Variants in PRDM16 observed in about 807,000 individuals in gnomAD.
PRDM16 encodes PR/SET domain 16, also known as histone-lysine N-methyltransferase PRDM16.
PRDM16 carries 23 observed loss-of-function variants against 110.6 expected under a neutral mutation model. The ratio of observed to expected loss-of-function variants is 0.21; its 90% CI spans 0.15 to 0.29. The LOEUF (loss-of-function observed/expected upper bound fraction) is 0.29, where lower values mean the gene tolerates loss of function less well. PRDM16 is among the 10% of genes least tolerant of loss of function. PRDM16 has a pLI of 1.00. For synonymous variants in PRDM16, 799 were observed against 781.8 expected, an observed-to-expected ratio of 1.02 and a Z score of -0.37; for missense variants, 1,615 against 1,794.3, an observed-to-expected ratio of 0.90 and a Z score of 1.81.
chr1:3,205,266 C>T (rs1638729072), intron 2 of PRDM16, among the ~76,000 whole-genome samples: 1 of 152,208 alleles, frequency 6.6e-6, no homozygotes. Flanking sequence ...CCCAAGGCGC[C>T]TTCTGAGCTC....
At chr1:3,381,718 G>T (rs1186650652) in intron 3 of PRDM16, among the ~76,000 whole-genome samples, 1 of 152,146 alleles carries the variant, frequency 6.6e-6, no homozygotes, top group African/African-American at 2.4e-5. Flanking sequence ...CAACAACCAG[G>T]CCCCAGGAGA....
chr1:3,085,268 A>G (rs1226267461), intron 1 of PRDM16, among the ~76,000 whole-genome samples: 1 of 152,208 alleles, frequency 6.6e-6, no homozygotes, highest in Non-Finnish European at 1.5e-5. Flanking sequence ...AGAGTTTCCT[A>G]GAGCCACGGC....
intron 3 of PRDM16, among the ~76,000 whole-genome samples, chr1:3,280,012 A>T (rs1640678677): frequency 6.6e-6 from 1 of 152,104 alleles, no homozygotes; most frequent in African/African-American, 2.4e-5. Context: ...TTTTCCAATC[A>T]CGATAATGCC....
At chr1:3,416,323 T>C (rs1010923693) in intron 10 of PRDM16, among the ~76,000 whole-genome samples, 25 of 152,144 alleles carry the variant, frequency 1.6e-4, no homozygotes, top group African/African-American at 6.0e-4. Context: ...TGCCCGGCAC[T>C]CGGACTCTGA....
intron 1 of PRDM16, among the ~76,000 whole-genome samples, chr1:3,135,429 C>T (rs1416595983): frequency 1.3e-5 from 2 of 152,222 alleles, no homozygotes; most frequent in Non-Finnish European, 2.9e-5. Context: ...CTGAGTTAAA[C>T]AATGAGCTCC....
At chr1:3,307,213 G>A (rs1425394037) in intron 3 of PRDM16, 1 of 152,318 alleles carries the variant, frequency 6.6e-6, no homozygotes, top group Non-Finnish European at 1.5e-5. Context: ...GAACTGCTGG[G>A]TCATGGGACT....
intron 1 of PRDM16, among the ~76,000 whole-genome samples, chr1:3,114,276 GCA>G (rs972596430): frequency 4.8e-5 from 6 of 125,906 alleles, no homozygotes; most frequent in African/African-American, 9.4e-5. Flanking sequence ...GTACACACAC[GCA>G]CACACGCAGT....
At chr1:3,362,102 C>T (rs1258364201) in intron 3 of PRDM16, among the ~76,000 whole-genome samples, 1 of 152,204 alleles carries the variant, frequency 6.6e-6, no homozygotes, top group African/African-American at 2.4e-5. Context: ...TGAAGGAAGA[C>T]ACCTGTGTTC....
intron 1 of PRDM16, among the ~76,000 whole-genome samples, chr1:3,153,795 C>A (rs1028183564): frequency 6.6e-6 from 1 of 152,218 alleles, no homozygotes; most frequent in African/African-American, 2.4e-5. Context: ...AAGCGTGGAA[C>A]GCAAAGTAAT....
At chr1:3,229,091 T>G (rs1639352783) in intron 2 of PRDM16, among the ~76,000 whole-genome samples, 1 of 152,240 alleles carries the variant, frequency 6.6e-6, no homozygotes, top group Non-Finnish European at 1.5e-5. Flanking sequence ...TAAAGCCACT[T>G]GGGCAGAGCA....
chr1:3,253,658 G>T (rs1639989067), intron 3 of PRDM16, among the ~76,000 whole-genome samples: 2 of 152,218 alleles, frequency 1.3e-5, no homozygotes, highest in South Asian at 4.2e-4. Flanking sequence ...GAACAGTGCT[G>T]CAATAAACAT....
At chr1:3,256,008 G>T (rs893464356) in intron 3 of PRDM16, among the ~76,000 whole-genome samples, 2 of 152,186 alleles carry the variant, frequency 1.3e-5, no homozygotes, top group African/African-American at 4.8e-5. Flanking sequence ...CAGAGAGCAG[G>T]TATGTGGCAC....
chr1:3,079,544 GGC>G (rs1400821404), intron 1 of PRDM16, among the ~76,000 whole-genome samples: 2 of 152,234 alleles, frequency 1.3e-5, no homozygotes, highest in African/African-American at 2.4e-5. Flanking sequence ...GGAGCGGCCT[GGC>G]CCCAGGGACG....
intron 3 of PRDM16, among the ~76,000 whole-genome samples, chr1:3,273,347 C>G (rs1232866452): frequency 6.6e-6 from 1 of 152,202 alleles, no homozygotes; most frequent in African/African-American, 2.4e-5. Flanking sequence ...GCAGCAGTGA[C>G]ACTTCCACAT....
intron 3 of PRDM16, among the ~76,000 whole-genome samples, chr1:3,341,853 C>T (rs1213297825): frequency 2.6e-5 from 4 of 152,208 alleles, no homozygotes; most frequent in African/African-American, 4.8e-5. Flanking sequence ...GTAAGATTTC[C>T]GAGGACATCT....
intron 3 of PRDM16, among the ~76,000 whole-genome samples, chr1:3,285,668 T>A (rs748944254): frequency 2.6e-5 from 4 of 152,058 alleles, no homozygotes; most frequent in Non-Finnish European, 5.9e-5. Context: ...CCGTCTCTGG[T>A]CCCTGGACGG....
chr1:3,305,405 C>T (rs1405078938), intron 3 of PRDM16, among the ~76,000 whole-genome samples: 2 of 152,182 alleles, frequency 1.3e-5, no homozygotes, highest in Non-Finnish European at 2.9e-5. Flanking sequence ...CGCTGTGCTG[C>T]CTCCAGCTGG....
intron 2 of PRDM16, among the ~76,000 whole-genome samples, chr1:3,225,017 C>T (rs1639253761): frequency 6.6e-6 from 1 of 152,214 alleles, no homozygotes; most frequent in Admixed American, 6.5e-5. Flanking sequence ...TTGTTGCGTT[C>T]CTCCTGAGGT....
chr1:3,281,892 A>G (rs535282196), intron 3 of PRDM16, among the ~76,000 whole-genome samples: 1 of 152,154 alleles, frequency 6.6e-6, no homozygotes, highest in African/African-American at 2.4e-5. Flanking sequence ...GCTCAGGGAG[A>G]CTGGAGCCCC....
Sources: allele counts gnomAD v4.1 joint callset (sites outside exome capture counted in the v4.1 genomes callset), GRCh38; gene constraint gnomAD v4.1.1; transcripts MANE v1.5; gene names NCBI Gene and HGNC (gene_info 2026-07-23, HGNC 2026-07-21).